GRIP1: variants seen among roughly 807,000 people sequenced by gnomAD.
The protein encoded by GRIP1 is glutamate receptor interacting protein 1.
Under a neutral mutation model 129.9 loss-of-function variants are expected in GRIP1, and 45 were observed. The observed-to-expected ratio is 0.35, with a 90% CI of 0.27 to 0.44. The LOEUF (loss-of-function observed/expected upper bound fraction) is 0.44, where lower values mean the gene tolerates loss of function less well. Among genes scored for constraint, GRIP1 ranks in the 20% least tolerant of loss-of-function variants. The pLI, the probability that GRIP1 is intolerant of heterozygous loss-of-function variation, is 1.00. For synonymous variants in GRIP1, 530 were observed against 520.8 expected, an observed-to-expected ratio of 1.02 and a Z score of -0.24; for missense variants, 1,196 against 1,396.8, an observed-to-expected ratio of 0.86 and a Z score of 2.29.
At chr12:66,724,667 T>A (rs756714333) in intron 1 of GRIP1, among the ~76,000 whole-genome samples, 5 of 152,174 alleles carry the variant, frequency 3.3e-5, no homozygotes, top group Non-Finnish European at 7.3e-5. Context: ...ACCCCTCCTT[T>A]AGAAATTACT....
rs59714018 is a variant in GRIP1, at chr12:66,438,953, G to A, written c.1687+5631C>T. ...ATAAACAAATAAACATACAATATAAGGTCAGAGTGTGAGAATGGCTAAGCA... is the reference window on the plus strand; with the variant it reads ...ATAAACAAATAAACATACAATATAAAGTCAGAGTGTGAGAATGGCTAAGCA... On this transcript the variant is annotated intron_variant, in intron 13 of 24. Coordinates refer to ENST00000359742, the MANE Select transcript of GRIP1 (RefSeq NM_001366722.1). Among the ~76,000 whole-genome samples the A allele has an allele frequency of 9.5e-3, 1,441 of 152,184 alleles. 24 individuals are homozygous for A. The highest frequency in any genetic ancestry group is 0.033 in the African/African-American group (1,374 of 41,524).
intron 7 of GRIP1, among the ~76,000 whole-genome samples, chr12:66,488,802 C>T (rs1273162672): frequency 1.3e-5 from 2 of 152,166 alleles, no homozygotes; most frequent in East Asian, 3.9e-4. Context: ...CCACTGACCC[C>T]CACAGAAATA....
At chr12:66,768,888 A>G (rs1198926268) in intron 1 of GRIP1, among the ~76,000 whole-genome samples, 1 of 152,168 alleles carries the variant, frequency 6.6e-6, no homozygotes, top group Non-Finnish European at 1.5e-5. Context: ...ACTCCAGATC[A>G]ACTCTGTCAG....
chr12:66,909,955 G>GT lies in GRIP1; in HGVS notation c.58+159094dup, dbSNP rs547065226. Among the ~76,000 whole-genome samples, 12 of 151,948 alleles carry GT rather than the reference G, an allele frequency of 7.9e-5. No homozygotes were observed. In the South Asian group the frequency reaches 8.3e-4, roughly 11 times the overall value. The stretch of plus-strand genomic sequence containing the variant: ...AAACTATCTCATTCCCACAACTTAA[G>GT]TTTTTTTTATCTCATCTAAGCAGAT... On this transcript the variant is annotated intron_variant, in intron 1 of 1. Transcript: ENST00000643019.
intron 2 of GRIP1, among the ~76,000 whole-genome samples, chr12:66,565,555 C>T (rs367966388): frequency 2.0e-3 from 304 of 152,160 alleles, no homozygotes; most frequent in African/African-American, 7.0e-3. Flanking sequence ...AGTCAGGTAG[C>T]GTGATGCCTC....
chr12:66,388,879 T>C (rs933658606), intron 19 of GRIP1, among the ~76,000 whole-genome samples: 3 of 152,102 alleles, frequency 2.0e-5, no homozygotes, highest in Admixed American at 2.0e-4. Context: ...TGTCCAAGAG[T>C]GTATCCACAT....
At chr12:66,472,720 G>A (rs1427007865) in intron 7 of GRIP1, among the ~76,000 whole-genome samples, 1 of 152,146 alleles carries the variant, frequency 6.6e-6, no homozygotes, top group Non-Finnish European at 1.5e-5. Flanking sequence ...GAAGCACAAG[G>A]GGTTGGGGAA....
chr12:66,465,488 A>G lies in GRIP1; in HGVS notation c.725-66T>C, dbSNP rs1002610009. The G allele has an allele frequency of 1.4e-5, 19 of 1,384,862 alleles. No homozygotes were observed. In the African/African-American group the frequency reaches 2.6e-4, roughly 19 times the overall value. 85.8% of individuals were successfully genotyped at this position (1,384,862 alleles called of 1,614,324 possible). A position where few individuals can be genotyped will look rare whatever the true frequency, so the allele number is the denominator to read the frequency against. The stretch of plus-strand genomic sequence containing the variant: ...AAATAAGCAAAGAGACAAAAGAAAG[A>G]GATGAAGAATATTCAGTTTGGTGTT... On this transcript the variant is annotated intron_variant, in intron 7 of 24. Transcript: ENST00000359742.
chr12:66,697,770 GA>G (rs1565973904), intron 1 of GRIP1, among the ~76,000 whole-genome samples: 1 of 152,080 alleles, frequency 6.6e-6, no homozygotes, highest in Non-Finnish European at 1.5e-5. Context: ...CAACAGATTC[GA>G]AAGTATTTTT....
chr12:66,465,263 T>C lies in GRIP1; in HGVS notation c.872+12A>G. 6.2e-7 allele frequency: 1 copy of C among 1,612,632 alleles called. No individual in the cohort carries two copies. ...GCCTGGCGGAAAAGTAGGCACTTTC[T>C]ACAATACTTACCTGTCTGCAATACT... is the stretch of plus-strand genomic sequence containing the variant. On this transcript the variant is annotated intron_variant, in intron 8 of 24. Coordinates refer to ENST00000359742, the MANE Select transcript of GRIP1 (RefSeq NM_001366722.1).
intron 1 of GRIP1, among the ~76,000 whole-genome samples, chr12:66,884,236 A>G (rs2040526593): frequency 6.6e-6 from 1 of 152,246 alleles, no homozygotes; most frequent in African/African-American, 2.4e-5. Flanking sequence ...CGCTTTTGCT[A>G]GCAACAGGGA....
chr12:66,501,208 G>T (rs1229832777), intron 7 of GRIP1, among the ~76,000 whole-genome samples: 1 of 152,202 alleles, frequency 6.6e-6, no homozygotes. Context: ...CAGCATGACT[G>T]TTGGAGTTAA....
chr12:66,353,291 C>G (rs1228548340), intron 24 of GRIP1, 126 bp downstream of exon 24: 3 of 778,326 alleles, frequency 3.9e-6, no homozygotes, highest in African/African-American at 1.7e-5. Flanking sequence ...TCTACTGATT[C>G]CATAATCTTG....
At chr12:67,058,368 A>G (rs1327536191) in intron 1 of GRIP1, among the ~76,000 whole-genome samples, 1 of 152,224 alleles carries the variant, frequency 6.6e-6, no homozygotes, top group Non-Finnish European at 1.5e-5. Context: ...ATGAAAGTGA[A>G]AAAGAAACAC....
At chr12:66,917,978 A>ACACG (rs1443520478) in intron 1 of GRIP1, among the ~76,000 whole-genome samples, 48 of 149,118 alleles carry the variant, frequency 3.2e-4, no homozygotes, top group African/African-American at 1.2e-3. Flanking sequence ...ACACACACGG[A>ACACG]GAGAGAGAGA....
intron 9 of GRIP1, among the ~76,000 whole-genome samples, chr12:66,457,464 A>G (rs1207370478): frequency 6.6e-6 from 1 of 152,042 alleles, no homozygotes; most frequent in African/African-American, 2.4e-5. Flanking sequence ...TGTAGAAATG[A>G]GGGTCTGCCT....
chr12:66,782,203 C>T (rs539945607), intron 1 of GRIP1, among the ~76,000 whole-genome samples: 15 of 152,230 alleles, frequency 9.9e-5, no homozygotes, highest in African/African-American at 3.4e-4. Context: ...AAATGTTACA[C>T]TTCAATAAAA....
chr12:66,498,966 A>T (rs2060314558), intron 7 of GRIP1, among the ~76,000 whole-genome samples: 1 of 152,206 alleles, frequency 6.6e-6, no homozygotes, highest in Admixed American at 6.5e-5. Flanking sequence ...ATTGGGGGAA[A>T]GGTATTATTT....
Position 66,595,215 on chromosome 12 carries a change from C to T in GRIP1, c.136+1632G>A, listed in dbSNP as rs1392683106. 2.6e-5 allele frequency among the ~76,000 whole-genome samples: 4 copies of T among 152,116 alleles called. No individual in the cohort carries two copies. The East Asian group carries it at 7.7e-4, about 29-fold the overall frequency. On this transcript the variant is annotated intron_variant, in intron 2 of 24. Transcript: ENST00000359742. ...TGATTCCAGTGACTTTTAAATCTAA[C>T]ATAAAGAGAAGGAAAAAACAAAATT...
Sources: gnomAD v4.1 joint callset for allele counts (sites outside exome capture counted in the v4.1 genomes callset) on GRCh38, gnomAD v4.1.1 for gene constraint, MANE v1.5 for transcripts, NCBI Gene and HGNC (gene_info 2026-07-23, HGNC 2026-07-21) for gene names.